Variants in CMTM7 observed in about 807,000 individuals in gnomAD.
CMTM7 encodes the protein CKLF-like MARVEL transmembrane domain-containing protein 7.
A neutral mutation model predicts 19.3 loss-of-function variants in CMTM7; 7 were observed. The ratio of observed to expected loss-of-function variants is 0.36; its 90% CI spans 0.21 to 0.68. The LOEUF is 0.68. Ranked by LOEUF, CMTM7 falls within the 30% of genes least tolerant of loss-of-function variation. The pLI, the probability that CMTM7 is intolerant of heterozygous loss-of-function variation, is 0.60. For missense variants in CMTM7, 193 were observed against 232.6 expected (o/e 0.83, Z 1.11); for synonymous variants, 87 against 99.3 (o/e 0.88, Z 0.74).
intron 1 of CMTM7, among the ~76,000 whole-genome samples, chr3:32,415,418 C>G (rs1696245603): frequency 6.6e-6 from 1 of 152,228 alleles, no homozygotes. Flanking sequence ...TGCAGGTCGT[C>G]TTCCACTGTC....
intron 1 of CMTM7, among the ~76,000 whole-genome samples, chr3:32,430,904 C>T (rs1696508822): frequency 6.6e-6 from 1 of 152,142 alleles, no homozygotes; most frequent in South Asian, 2.1e-4. Context: ...GTAAGAACAT[C>T]GCCTAGCACA....
At chr3:32,437,394 C>T (rs527913787) in intron 1 of CMTM7, among the ~76,000 whole-genome samples, 34 of 152,068 alleles carry the variant, frequency 2.2e-4, no homozygotes, top group Admixed American at 1.6e-3. Context: ...GTCAGGAGTT[C>T]GAGACCAGCC....
At chr3:32,395,709 A>G (rs1695905245) in intron 1 of CMTM7, among the ~76,000 whole-genome samples, 1 of 152,240 alleles carries the variant, frequency 6.6e-6, no homozygotes, top group African/African-American at 2.4e-5. Context: ...AAAATGGTAC[A>G]GCCACTTTGG....
At chr3:32,404,264 A>T (rs569690105) in intron 1 of CMTM7, among the ~76,000 whole-genome samples, 1 of 149,212 alleles carries the variant, frequency 6.7e-6, no homozygotes, top group Admixed American at 6.7e-5. Context: ...AGGTTCAAGC[A>T]ATTATCTTGC....
intron 1 of CMTM7, among the ~76,000 whole-genome samples, chr3:32,420,895 G>A (rs1696333316): frequency 6.6e-6 from 1 of 152,276 alleles, no homozygotes; most frequent in East Asian, 1.9e-4. Context: ...AGACGGAATC[G>A]CTTGACCATG....
chr3:32,395,923 G>C (rs1303805972), intron 1 of CMTM7, among the ~76,000 whole-genome samples: 2 of 152,052 alleles, frequency 1.3e-5, no homozygotes, highest in Non-Finnish European at 2.9e-5. Flanking sequence ...AAAACTAAGT[G>C]CTACATTCAT....
At chr3:32,392,562 C>T (rs1218757244) in intron 1 of CMTM7, among the ~76,000 whole-genome samples, 2 of 152,180 alleles carry the variant, frequency 1.3e-5, no homozygotes, top group African/African-American at 2.4e-5. Flanking sequence ...CAGTTTCGCT[C>T]GAAGGAGGAG....
rs1575122962 is a variant in CMTM7, at chr3:32,438,857, G to A, written c.160-2983G>A. ...AACTTCCACATCCCTGTGTCACCAT[G>A]AAAAAGAGCTAACTTTGTCTTCAAC... On this transcript the variant is annotated intron_variant, in intron 1 of 4. Coordinates refer to ENST00000334983, the MANE Select transcript of CMTM7 (RefSeq NM_138410.4). Among the ~76,000 whole-genome samples the A allele has an allele frequency of 3.9e-5, 6 of 152,150 alleles. No homozygotes were observed. The East Asian group carries it at 1.2e-3, about 29-fold the overall frequency.
chr3:32,430,851 G>A (rs78637070), intron 1 of CMTM7, among the ~76,000 whole-genome samples: 12,300 of 152,122 alleles, frequency 0.081, 564 homozygotes, highest in Middle Eastern at 0.13. Context: ...ATGGTTTTGT[G>A]TTTCTTTACT....
At chr3:32,452,919 A>AT (rs368112448) in intron 4 of CMTM7, among the ~76,000 whole-genome samples, 565 of 35,354 alleles carry the variant, frequency 0.016, 28 homozygotes, top group East Asian at 0.048. Context: ...CCTAATTTCA[A>AT]TTTTTTTTTT....
chr3:32,407,341 T>C (rs1696104638), intron 1 of CMTM7, among the ~76,000 whole-genome samples: 1 of 152,196 alleles, frequency 6.6e-6, no homozygotes, highest in African/African-American at 2.4e-5. Flanking sequence ...GTGTTATATT[T>C]TTCAACTCTC....
intron 2 of CMTM7, among the ~76,000 whole-genome samples, chr3:32,443,250 C>T (rs1405671669): frequency 2.0e-5 from 3 of 151,984 alleles, no homozygotes; most frequent in Non-Finnish European, 4.4e-5. Flanking sequence ...AGGTGCATGC[C>T]ACCACACCTG....
At chr3:32,445,505 T>G (rs1467728968) in intron 2 of CMTM7, among the ~76,000 whole-genome samples, 1 of 151,994 alleles carries the variant, frequency 6.6e-6, no homozygotes, top group Non-Finnish European at 1.5e-5. Flanking sequence ...CTTACATTGT[T>G]TTTTGTTTTT....
intron 1 of CMTM7, among the ~76,000 whole-genome samples, chr3:32,431,125 T>C (rs1039082809): frequency 2.6e-5 from 4 of 152,184 alleles, no homozygotes; most frequent in Admixed American, 6.5e-5. Flanking sequence ...GATAAGGGCT[T>C]TGAAGCAGAA....
chr3:32,452,616 C>T, intron 4 of CMTM7, 143 bp downstream of exon 4: 2 of 752,796 alleles, frequency 2.7e-6, no homozygotes, highest in Non-Finnish European at 4.4e-6. Flanking sequence ...AGCACAGGGG[C>T]CAGCAAAGGG....
intron 4 of CMTM7, among the ~76,000 whole-genome samples, chr3:32,453,011 T>G (rs1696860491): frequency 7.4e-6 from 1 of 135,774 alleles, no homozygotes; most frequent in South Asian, 2.7e-4. Context: ...GCTCAAGCAG[T>G]CCTCCCACCT....
At chr3:32,439,991 C>T (rs775916361) in intron 1 of CMTM7, among the ~76,000 whole-genome samples, 3 of 152,122 alleles carry the variant, frequency 2.0e-5, no homozygotes, top group Non-Finnish European at 4.4e-5. Context: ...AAAATATATA[C>T]ACACATTGCC....
At chr3:32,431,565 TC>T (rs1025409340) in intron 1 of CMTM7, among the ~76,000 whole-genome samples, 2 of 152,152 alleles carry the variant, frequency 1.3e-5, no homozygotes, top group African/African-American at 4.8e-5. Context: ...CAGTGCTCAC[TC>T]CCAGGTGGGA....
intron 1 of CMTM7, among the ~76,000 whole-genome samples, chr3:32,394,988 G>A (rs1224370059): frequency 2.0e-5 from 3 of 150,650 alleles, no homozygotes; most frequent in East Asian, 2.0e-4. Flanking sequence ...GAGCTGCCGC[G>A]CTCGGCTAAA....
Sources: gnomAD v4.1 joint callset for allele counts (sites outside exome capture counted in the v4.1 genomes callset) on GRCh38, gnomAD v4.1.1 for gene constraint, MANE v1.5 for transcripts, NCBI Gene and HGNC (gene_info 2026-07-23, HGNC 2026-07-21) for gene names.